Variants in LYRM4 observed in about 807,000 individuals in gnomAD.
The protein encoded by LYRM4 is LYR motif-containing protein 4.
In LYRM4, 9 loss-of-function variants were observed where a neutral mutation model predicts 11.7. That is an observed-to-expected ratio of 0.77 (90% CI 0.46 to 1.34). The LOEUF is 1.34. Among genes scored for constraint, LYRM4 ranks in the 40% most tolerant of loss-of-function variants. The probability of loss-of-function intolerance (pLI) is 0.00; values close to 1 mark genes in which losing one functional copy is unlikely to be tolerated. For synonymous variants in LYRM4, 42 were observed against 40.4 expected (o/e 1.04, Z -0.15); for missense variants, 133 against 112.5 (o/e 1.18, Z -0.82).
At chr6:5,045,185 T>G in the LYRM4 span, among the ~76,000 whole-genome samples, 1 of 152,196 alleles carries the variant, frequency 6.6e-6, no homozygotes, top group Non-Finnish European at 1.5e-5. Context: ...GCAGCATTAT[T>G]CACAACAGCC....
chr6:5,241,907 T>C (rs555234052), intron 1 of LYRM4, among the ~76,000 whole-genome samples: 1 of 152,242 alleles, frequency 6.6e-6, no homozygotes, highest in South Asian at 2.1e-4. Context: ...GAGATTCTAA[T>C]AGAGGCCTTC....
At chr6:5,169,786 A>G (rs1759311360) in intron 2 of LYRM4, among the ~76,000 whole-genome samples, 1 of 152,190 alleles carries the variant, frequency 6.6e-6, no homozygotes, top group Non-Finnish European at 1.5e-5. Flanking sequence ...TCCACAGATC[A>G]CCTTGCATTC....
chr6:5,189,257 C>T (rs1469001686), intron 2 of LYRM4, among the ~76,000 whole-genome samples: 6 of 152,026 alleles, frequency 3.9e-5, no homozygotes, highest in Non-Finnish European at 8.8e-5. Flanking sequence ...AGTGCTTAGC[C>T]TAAGGTTAGT....
chr6:5,060,771 A>T, the LYRM4 span, among the ~76,000 whole-genome samples: 36 of 152,146 alleles, frequency 2.4e-4, no homozygotes, highest in African/African-American at 8.4e-4. Context: ...CAGATGATCC[A>T]CCTGCGTCAG....
the LYRM4 span, among the ~76,000 whole-genome samples, chr6:5,090,094 G>C: frequency 6.6e-6 from 1 of 151,780 alleles, no homozygotes; most frequent in East Asian, 1.9e-4. The surrounding 1 kb of genome is among the most constrained non-coding windows in gnomAD (Gnocchi z 4.8). Context: ...CTTTTTTGCA[G>C]CAATATTTGC....
chr6:5,141,957 C>T (rs571899062), intron 2 of LYRM4, among the ~76,000 whole-genome samples: 1 of 152,204 alleles, frequency 6.6e-6, no homozygotes, highest in East Asian at 1.9e-4. Flanking sequence ...ACCTATTTAC[C>T]CAGCACAAAC....
rs573522156 is a variant in LYRM4, at chr6:5,139,363, G to C, written c.208-29872C>G. On this transcript the variant is annotated intron_variant, in intron 2 of 2. Coordinates refer to ENST00000330636, the MANE Select transcript of LYRM4 (RefSeq NM_020408.6). Reference sequence around the variant, plus strand: ...AGGCTTCATTCAAAGTTAGGCAACAGAATATTAAGGTTCATTCATGACACA... The same window carrying C: ...AGGCTTCATTCAAAGTTAGGCAACACAATATTAAGGTTCATTCATGACACA... 8.5e-5 allele frequency among the ~76,000 whole-genome samples: 13 copies of C among 152,334 alleles called. No homozygotes were observed. The South Asian group carries it at 2.7e-3, about 32-fold the overall frequency.
intron 2 of LYRM4, among the ~76,000 whole-genome samples, chr6:5,113,747 T>G (rs1020977329): frequency 1.3e-4 from 20 of 151,912 alleles, no homozygotes; most frequent in African/African-American, 4.8e-4. Context: ...TTTTTTTTTT[T>G]TTAGAGACAG....
chr6:5,086,474 G>A, the LYRM4 span: 1 of 1,537,228 alleles, frequency 6.5e-7, no homozygotes, highest in Non-Finnish European at 8.7e-7. Context: ...TTCGCTGTCT[G>A]CTACCGCTGC....
At chr6:5,035,180 A>G in the LYRM4 span, among the ~76,000 whole-genome samples, 1 of 152,132 alleles carries the variant, frequency 6.6e-6, no homozygotes, top group Non-Finnish European at 1.5e-5. Flanking sequence ...CAGGGTTTGA[A>G]GAATGTTCGT....
chr6:5,121,552 C>T (rs979189340), intron 2 of LYRM4, among the ~76,000 whole-genome samples: 8 of 152,132 alleles, frequency 5.3e-5, no homozygotes, highest in Admixed American at 3.9e-4. Context: ...AGAGGATCCC[C>T]GAGACAAAAG....
chr6:5,032,540 G>A, the LYRM4 span: 3 of 152,306 alleles, frequency 2.0e-5, no homozygotes, highest in Non-Finnish European at 4.4e-5. Flanking sequence ...CAGTATCTTA[G>A]TACATGGCAA....
intron 1 of LYRM4, among the ~76,000 whole-genome samples, chr6:5,256,491 G>A (rs9504367): frequency 0.71 from 31,187 of 43,840 alleles, 10,166 homozygotes; most frequent in African/African-American, 0.8. Context: ...ATTTCAACTG[G>A]AAAAAAAAAA....
chr6:5,237,105 C>T (rs1763594750), intron 1 of LYRM4, among the ~76,000 whole-genome samples: 1 of 152,204 alleles, frequency 6.6e-6, no homozygotes, highest in Non-Finnish European at 1.5e-5. Flanking sequence ...GGGAGTGTAA[C>T]TTCACATCCA....
At chr6:5,072,388 T>C in the LYRM4 span, among the ~76,000 whole-genome samples, 1 of 152,186 alleles carries the variant, frequency 6.6e-6, no homozygotes, top group African/African-American at 2.4e-5. Context: ...TCTAGGTCTC[T>C]GAGGAATCGC....
chr6:5,116,222 G>A (rs772335082), intron 2 of LYRM4, among the ~76,000 whole-genome samples: 2 of 152,112 alleles, frequency 1.3e-5, no homozygotes, highest in African/African-American at 2.4e-5. Context: ...AACAGCGGTA[G>A]GACCATTTAC....
the LYRM4 span, among the ~76,000 whole-genome samples, chr6:5,070,825 T>C: frequency 0.27 from 38,499 of 143,926 alleles, 5,292 homozygotes; most frequent in Middle Eastern, 0.32. Flanking sequence ...GAGCCATGAT[T>C]GTACCATTGC....
chr6:5,047,483 C>G, the LYRM4 span, among the ~76,000 whole-genome samples: 1 of 152,178 alleles, frequency 6.6e-6, no homozygotes, highest in Non-Finnish European at 1.5e-5. Flanking sequence ...TCCTCATATT[C>G]CTTTGTCTTT....
chr6:5,095,980 A>AAAAAAAC, the LYRM4 span, among the ~76,000 whole-genome samples: 2 of 152,218 alleles, frequency 1.3e-5, no homozygotes, highest in East Asian at 1.9e-4. Flanking sequence ...TCTCCATCTC[A>AAAAAAAC]AAAAAACAAA....
Sources: gnomAD v4.1 joint callset for allele counts (sites outside exome capture counted in the v4.1 genomes callset) on GRCh38, gnomAD v4.1.1 for gene constraint, Gnocchi (gnomAD v3.1) non-coding constraint, MANE v1.5 for transcripts, NCBI Gene and HGNC (gene_info 2026-07-23, HGNC 2026-07-21) for gene names.